Variants in PTPRD observed in about 807,000 individuals in gnomAD.
The protein encoded by PTPRD is receptor-type tyrosine-protein phosphatase delta.
Under a neutral mutation model 214.5 loss-of-function variants are expected in PTPRD, and 34 were observed. The observed-to-expected ratio is 0.16, with a 90% CI of 0.12 to 0.21. PTPRD has a LOEUF of 0.21. Ranked by LOEUF, PTPRD falls within the 10% of genes least tolerant of loss-of-function variation. The probability of loss-of-function intolerance (pLI) is 1.00; values close to 1 mark genes in which losing one functional copy is unlikely to be tolerated. For synonymous variants in PTPRD, 1,128 were observed against 845.7 expected (o/e 1.33, Z -5.79); for missense variants, 2,545 against 2,398.7 (o/e 1.06, Z -1.27).
At chr9:9,672,470 T>C (rs1034651564) in intron 7 of PTPRD, among the ~76,000 whole-genome samples, 1 of 152,154 alleles carries the variant, frequency 6.6e-6, no homozygotes, top group Non-Finnish European at 1.5e-5. Flanking sequence ...ACATGATTAC[T>C]TATTTTACCT....
At chr9:9,170,534 T>C (rs1385763385) in intron 10 of PTPRD, among the ~76,000 whole-genome samples, 1 of 152,170 alleles carries the variant, frequency 6.6e-6, no homozygotes, top group African/African-American at 2.4e-5. Flanking sequence ...AATTATAGTA[T>C]TGATTAATTG....
In PTPRD at chr9:9,828,059, C is replaced by A. The variant is rs1157363892; in HGVS notation, c.-367-61208G>T. ...GAACACTTTTACACTGTTGGTGGGA[C>A]TGTAAACTAGCTCAACCCTTGTGGA... is the stretch of plus-strand genomic sequence containing the variant. On this transcript the variant is annotated intron_variant, in intron 5 of 45. Transcript: ENST00000381196. Among the ~76,000 whole-genome samples the A allele has an allele frequency of 2.0e-5, 3 of 152,090 alleles. No individual in the cohort carries two copies. The East Asian group carries it at 5.8e-4, about 29-fold the overall frequency.
chr9:10,436,785 A>C (rs1419175102), intron 2 of PTPRD, among the ~76,000 whole-genome samples: 1 of 151,762 alleles, frequency 6.6e-6, no homozygotes, highest in Non-Finnish European at 1.5e-5. Flanking sequence ...TTTTCTGTCC[A>C]CGAGCTTGTC....
chr9:9,077,439 A>G (rs1011490562), intron 10 of PTPRD, among the ~76,000 whole-genome samples: 3 of 152,000 alleles, frequency 2.0e-5, no homozygotes, highest in Non-Finnish European at 4.4e-5. Flanking sequence ...AGTCTTTTCC[A>G]TTGCTAACTT....
chr9:9,836,706 T>G (rs1373763375), intron 5 of PTPRD, among the ~76,000 whole-genome samples: 1 of 152,170 alleles, frequency 6.6e-6, no homozygotes, highest in Non-Finnish European at 1.5e-5. Context: ...CTGGTTCCAC[T>G]ACTTACTACC....
chr9:9,472,251 C>A (rs1340846648), intron 8 of PTPRD, among the ~76,000 whole-genome samples: 1 of 137,746 alleles, frequency 7.3e-6, no homozygotes, highest in South Asian at 2.3e-4. Flanking sequence ...GGCCGGACTG[C>A]GGACCGCAGT....
intron 3 of PTPRD, among the ~76,000 whole-genome samples, chr9:10,135,931 T>A (rs2098939581): frequency 1.4e-5 from 2 of 145,758 alleles, no homozygotes; most frequent in South Asian, 2.3e-4. Flanking sequence ...AGCACAGAAT[T>A]GTAAGTTGAA....
At chr9:10,315,732 C>T (rs576602967) in intron 3 of PTPRD, among the ~76,000 whole-genome samples, 1 of 151,914 alleles carries the variant, frequency 6.6e-6, no homozygotes, top group Non-Finnish European at 1.5e-5. Context: ...CCGCAGGGCA[C>T]AGCAATAGGC....
chr9:8,494,425 T>C (rs1430448558), intron 26 of PTPRD, among the ~76,000 whole-genome samples: 2 of 152,302 alleles, frequency 1.3e-5, no homozygotes, highest in South Asian at 4.1e-4. Flanking sequence ...TTCCCTAACA[T>C]TCCAGAGGAT....
intron 5 of PTPRD, among the ~76,000 whole-genome samples, chr9:9,880,415 C>G (rs2068290757): frequency 6.6e-6 from 1 of 152,176 alleles, no homozygotes; most frequent in South Asian, 2.1e-4. Context: ...ATGTACTCCT[C>G]AGATGTTATT....
intron 4 of PTPRD, among the ~76,000 whole-genome samples, chr9:9,977,787 T>C (rs1013818325): frequency 1.3e-5 from 2 of 152,080 alleles, no homozygotes; most frequent in African/African-American, 4.8e-5. Flanking sequence ...GTTTATTTGA[T>C]TGTGGTTATA....
intron 13 of PTPRD, among the ~76,000 whole-genome samples, chr9:8,636,010 T>G (rs745463864): frequency 6.6e-6 from 1 of 152,206 alleles, no homozygotes; most frequent in Non-Finnish European, 1.5e-5. Flanking sequence ...TTCGATAGGT[T>G]TCTCTGCAAT....
At chr9:9,131,485 G>A (rs748954565) in intron 10 of PTPRD, among the ~76,000 whole-genome samples, 3 of 152,136 alleles carry the variant, frequency 2.0e-5, no homozygotes, top group Middle Eastern at 3.4e-3. Context: ...GTAGCAGTTC[G>A]CTATTACCAT....
intron 7 of PTPRD, among the ~76,000 whole-genome samples, chr9:9,583,246 C>T (rs762758060): frequency 2.6e-5 from 4 of 151,976 alleles, no homozygotes; most frequent in African/African-American, 9.7e-5. Context: ...CATCAAACAA[C>T]TCATTTAGCA....
chr9:10,569,392 C>T (rs1456207046), intron 2 of PTPRD, among the ~76,000 whole-genome samples: 1 of 152,056 alleles, frequency 6.6e-6, no homozygotes, highest in Non-Finnish European at 1.5e-5. Flanking sequence ...TTTCTTCTCC[C>T]TTTCATGACC....
At chr9:8,393,094 G>A (rs563167018) in intron 36 of PTPRD, among the ~76,000 whole-genome samples, 2 of 152,244 alleles carry the variant, frequency 1.3e-5, no homozygotes, top group African/African-American at 4.8e-5. Context: ...TGATTAGGAT[G>A]TTTCTGCTGG....
intron 3 of PTPRD, among the ~76,000 whole-genome samples, chr9:10,138,911 G>A (rs2098961757): frequency 6.6e-6 from 1 of 151,916 alleles, no homozygotes. Flanking sequence ...AATAATAAGA[G>A]CCATCTATGA....
chr9:9,165,727 G>A (rs939540522), intron 10 of PTPRD, among the ~76,000 whole-genome samples: 1 of 152,078 alleles, frequency 6.6e-6, no homozygotes, highest in Non-Finnish European at 1.5e-5. Flanking sequence ...TATTAACAAG[G>A]AGATAAGTTA....
chr9:9,778,926 G>C (rs1425947743), intron 5 of PTPRD, among the ~76,000 whole-genome samples: 1 of 151,412 alleles, frequency 6.6e-6, no homozygotes, highest in Non-Finnish European at 1.5e-5. Flanking sequence ...AAAGAACAAA[G>C]CCAGGGCATC....
Sources: allele counts gnomAD v4.1 joint callset (sites outside exome capture counted in the v4.1 genomes callset), GRCh38; gene constraint gnomAD v4.1.1; transcripts MANE v1.5; gene names NCBI Gene and HGNC (gene_info 2026-07-23, HGNC 2026-07-21).